MTHFD1L: variants seen among roughly 807,000 people sequenced by gnomAD.
The protein encoded by MTHFD1L is monofunctional C1-tetrahydrofolate synthase, mitochondrial.
Under a neutral mutation model 119.5 loss-of-function variants are expected in MTHFD1L, and 81 were observed. The observed-to-expected ratio is 0.68, with a 90% CI of 0.57 to 0.82. The LOEUF is 0.82. Among genes scored for constraint, MTHFD1L ranks in the 40% least tolerant of loss-of-function variants. The pLI is 0.00. For synonymous variants in MTHFD1L, 430 were observed against 475.2 expected, an observed-to-expected ratio of 0.90 and a Z score of 1.24; for missense variants, 1,125 against 1,253.4, an observed-to-expected ratio of 0.90 and a Z score of 1.55.
At chr6:151,096,046 C>A (rs533382135) in intron 27 of MTHFD1L, among the ~76,000 whole-genome samples, 40 of 152,354 alleles carry the variant, frequency 2.6e-4, no homozygotes, top group African/African-American at 8.9e-4. Context: ...ATTACCCCAA[C>A]CTTTATGCCC....
At chr6:151,093,435 G>A (rs1428780002) in intron 27 of MTHFD1L, among the ~76,000 whole-genome samples, 1 of 58,936 alleles carries the variant, frequency 1.7e-5, no homozygotes, top group Non-Finnish European at 3.4e-5. Flanking sequence ...GAGGTGGGTG[G>A]ATCACGAAGT....
intron 26 of MTHFD1L, among the ~76,000 whole-genome samples, chr6:151,076,543 C>T (rs1388813555): frequency 2.7e-5 from 4 of 150,846 alleles, no homozygotes; most frequent in East Asian, 3.9e-4. Flanking sequence ...CCCAGCTACT[C>T]GGGAGGCTGA....
At chr6:151,005,234 CAGAT>C (rs1781214900) in intron 20 of MTHFD1L, among the ~76,000 whole-genome samples, 2 of 152,088 alleles carry the variant, frequency 1.3e-5, no homozygotes, top group Non-Finnish European at 2.9e-5. Flanking sequence ...CCCTAAGGCA[CAGAT>C]ACACAGCACT....
intron 26 of MTHFD1L, among the ~76,000 whole-genome samples, chr6:151,050,354 G>A (rs1221729685): frequency 6.6e-6 from 1 of 152,142 alleles, no homozygotes; most frequent in East Asian, 1.9e-4. Flanking sequence ...TAGAGACGGG[G>A]TTTCACCATG....
intron 4 of MTHFD1L, among the ~76,000 whole-genome samples, chr6:150,881,765 C>G (rs1490694106): frequency 6.6e-5 from 10 of 152,166 alleles, no homozygotes; most frequent in Non-Finnish European, 1.3e-4. Flanking sequence ...TTGTTTATAG[C>G]TGTATTTCCT....
intron 20 of MTHFD1L, among the ~76,000 whole-genome samples, chr6:150,988,067 C>T (rs1206259659): frequency 6.6e-6 from 1 of 152,070 alleles, no homozygotes; most frequent in East Asian, 1.9e-4. Context: ...AAGTAATATG[C>T]TTAGAATGTA....
At chr6:150,955,917 G>T in intron 16 of MTHFD1L, 78 bp from the exon 17 acceptor site, 1 of 1,261,438 alleles carries the variant, frequency 7.9e-7, no homozygotes. Flanking sequence ...AACTTCCTGA[G>T]CATCAGAACA....
intron 26 of MTHFD1L, among the ~76,000 whole-genome samples, chr6:151,056,356 G>GAGCACACTCCATCGGCATGGC (rs1337114360): frequency 3.3e-5 from 5 of 152,174 alleles, no homozygotes; most frequent in African/African-American, 1.2e-4. Context: ...CTGGGCATGG[G>GAGCACACTCCATCGGCATGGC]AGCACACTCC....
intron 1 of MTHFD1L, chr6:150,866,330 T>C (rs1778301059): frequency 6.9e-7 from 1 of 1,453,666 alleles, no homozygotes; most frequent in South Asian, 1.3e-5. Context: ...CACGCCCGGC[T>C]CCACGTGCGC....
At chr6:151,057,268 C>G (rs1244726096) in intron 26 of MTHFD1L, 1 of 985,060 alleles carries the variant, frequency 1.0e-6, no homozygotes, top group African/African-American at 1.7e-5. Flanking sequence ...TCGCTGAAAT[C>G]AACCTCCCCT....
intron 17 of MTHFD1L, chr6:150,959,186 A>G (rs1292033397): frequency 1.0e-6 from 1 of 984,732 alleles, no homozygotes; most frequent in Non-Finnish European, 1.2e-6. Flanking sequence ...TCAGTGACTA[A>G]TGCAATCTCA....
intron 26 of MTHFD1L, among the ~76,000 whole-genome samples, chr6:151,091,215 C>T (rs1180505843): frequency 6.6e-6 from 1 of 151,324 alleles, no homozygotes; most frequent in African/African-American, 2.4e-5. Context: ...CTGGGTGCAG[C>T]ATTGCCCCAT....
chr6:150,908,250 A>G (rs956261454), intron 8 of MTHFD1L, among the ~76,000 whole-genome samples: 1 of 151,868 alleles, frequency 6.6e-6, no homozygotes, highest in African/African-American at 2.4e-5. Context: ...ATAAGCATGA[A>G]TCAAAATTCT....
chr6:150,928,241 C>T (rs1790380333), intron 11 of MTHFD1L, among the ~76,000 whole-genome samples: 1 of 151,864 alleles, frequency 6.6e-6, no homozygotes, highest in African/African-American at 2.4e-5. Context: ...CGAGACCATC[C>T]TGGCTAACAT....
In MTHFD1L at chr6:151,037,074, G is replaced by A. The variant is rs139088932; in HGVS notation, c.2804G>A (p.Arg935Gln). ...RDFILPISDV[R>Q]ASIGAGFIYP... ...TTCATCTTACCTATCAGTGACGTCC[G>A]GGCCAGCATAGGCGCTGGGTTCATT... The change falls in exon 26 of 28, where the codon CGG becomes CAG. Residue 935 changes from arginine to glutamine, a missense_variant. Physicochemically the swap from Arg to Gln is conservative, Grantham distance 43. Coordinates refer to ENST00000367321, the MANE Select transcript of MTHFD1L (RefSeq NM_015440.5). 1.4e-5 allele frequency: 22 copies of A among 1,611,836 alleles called. No homozygotes were observed. The highest frequency in any genetic ancestry group is 1.3e-4 in the African/African-American group (10 of 74,822).
chr6:150,925,314 C>G (rs1434731232), intron 10 of MTHFD1L, among the ~76,000 whole-genome samples: 3 of 152,296 alleles, frequency 2.0e-5, no homozygotes, highest in South Asian at 2.1e-4. Context: ...CCATCTCTCA[C>G]TCTCAGACAC....
intron 24 of MTHFD1L, chr6:151,022,411 A>C (rs922962805): frequency 1.5e-5 from 3 of 194,742 alleles, no homozygotes; most frequent in Non-Finnish European, 3.3e-5. Flanking sequence ...TGTGGTAAAA[A>C]TATGTATAAC....
At chr6:150,887,369 T>G (rs1406888113) in intron 6 of MTHFD1L, among the ~76,000 whole-genome samples, 1 of 152,104 alleles carries the variant, frequency 6.6e-6, no homozygotes, top group Admixed American at 6.6e-5. Context: ...ACCAAAAGGG[T>G]TTGAATAGAG....
At chr6:150,982,586 C>T (rs542349948) in intron 20 of MTHFD1L, among the ~76,000 whole-genome samples, 2 of 152,212 alleles carry the variant, frequency 1.3e-5, no homozygotes, top group South Asian at 4.1e-4. Context: ...TAAAAGTACG[C>T]TTAGCAACAA....
Sources: allele counts gnomAD v4.1 joint callset (sites outside exome capture counted in the v4.1 genomes callset), GRCh38; gene constraint gnomAD v4.1.1; transcripts MANE v1.5; gene names NCBI Gene and HGNC (gene_info 2026-07-23, HGNC 2026-07-21).